MESD: variants seen among roughly 807,000 people sequenced by gnomAD.
The protein encoded by MESD is LRP chaperone MESD.
A neutral mutation model predicts 12.9 loss-of-function variants in MESD; 7 were observed. The ratio of observed to expected loss-of-function variants is 0.54; its 90% CI spans 0.31 to 1.02. MESD has a LOEUF of 1.02. MESD is among the 50% of genes least tolerant of loss of function. MESD has a pLI of 0.05. For missense variants in MESD, 342 were observed against 296.7 expected (o/e 1.15, Z -1.12); for synonymous variants, 126 against 115.6 (o/e 1.09, Z -0.58).
At chr15:80,986,899 G>A (rs1000312818) in intron 1 of MESD, among the ~76,000 whole-genome samples, 1 of 152,090 alleles carries the variant, frequency 6.6e-6, no homozygotes, top group African/African-American at 2.4e-5. Context: ...TAAGTCCCAG[G>A]CACTCTACAT....
In MESD at chr15:80,979,143, C is replaced by T; in HGVS notation, c.*76G>A. ...TCATCCGGTGTGCAGTTGCCTGAGA[C>T]CACTCCCACCCCAGGAGCTGGGCAA... On this transcript the variant is annotated 3_prime_UTR_variant, in exon 3 of 3. Transcript: ENST00000261758. 6.5e-7 allele frequency: 1 copy of T among 1,542,974 alleles called. No homozygotes were observed. The highest frequency in any genetic ancestry group is 8.7e-7 in the Non-Finnish European group (1 of 1,146,276).
chr15:80,948,916 A>C, intron 4 of MESD: 1 of 1,611,204 alleles, frequency 6.2e-7, no homozygotes, highest in Non-Finnish European at 8.5e-7. Flanking sequence ...GAAGAAGAAG[A>C]AGTTGTGAGG....
intron 3 of MESD, among the ~76,000 whole-genome samples, chr15:80,960,538 C>T (rs2141789748): frequency 6.6e-6 from 1 of 152,248 alleles, no homozygotes; most frequent in South Asian, 2.1e-4. Context: ...TACTTATTTG[C>T]ATCTTTTAAA....
intron 2 of MESD, among the ~76,000 whole-genome samples, chr15:80,980,002 C>A (rs1177212601): frequency 6.6e-6 from 1 of 152,242 alleles, no homozygotes; most frequent in Non-Finnish European, 1.5e-5. Flanking sequence ...TAGCAGCAAG[C>A]TGCCCAGCTC....
At chr15:80,987,655 A>AT (rs1467545081) in intron 1 of MESD, among the ~76,000 whole-genome samples, 1 of 151,998 alleles carries the variant, frequency 6.6e-6, no homozygotes, top group Non-Finnish European at 1.5e-5. Context: ...TGCCCAACTA[A>AT]TTTTTTTATT....
At chr15:80,974,639 AAAGTT>A (rs1902364793), downstream of MESD, among the ~76,000 whole-genome samples, 1 of 151,132 alleles carries the variant, frequency 6.6e-6, no homozygotes, top group African/African-American at 2.4e-5. Context: ...ATACAAAACT[AAAGTT>A]AACAGAAGAT....
rs183465917 is a variant in MESD at position 80,961,495 on chromosome 15, C to T, written c.*289-9199G>A. Among the ~76,000 whole-genome samples the T allele has an allele frequency of 5.3e-5, 8 of 152,152 alleles. No individual in the cohort carries two copies. The East Asian group carries it at 1.5e-3, about 29-fold the overall frequency. On this transcript the variant is annotated intron_variant, in intron 3 of 4. Transcript: ENST00000561312. The stretch of plus-strand genomic sequence containing the variant: ...ATAAAAGACAGAAGAAATGAATGCT[C>T]CTAGACAATGAGGATAAAAGAATAA...
intron 2 of MESD, among the ~76,000 whole-genome samples, chr15:80,980,574 T>C (rs1179407879): frequency 6.6e-6 from 1 of 152,068 alleles, no homozygotes; most frequent in Non-Finnish European, 1.5e-5. Context: ...TATACACCCT[T>C]CTGTTCAGAT....
chr15:80,949,712 C>T (rs1409256198), intron 4 of MESD: 1 of 153,138 alleles, frequency 6.5e-6, no homozygotes, highest in Non-Finnish European at 1.5e-5. Context: ...TCCAGTAGGG[C>T]AGGCAGTCAG....
At chr15:80,963,292 C>A (rs1902120393) in intron 3 of MESD, among the ~76,000 whole-genome samples, 1 of 152,160 alleles carries the variant, frequency 6.6e-6, no homozygotes, top group African/African-American at 2.4e-5. Flanking sequence ...GAAGTTGAAT[C>A]TCTGAATAGA....
exon 5 of MESD, chr15:80,947,414 A>C (rs2141761074): frequency 6.4e-6 from 2 of 312,058 alleles, no homozygotes; most frequent in South Asian, 6.6e-5. Context: ...TGCTATTCAG[A>C]CTGGCCAGGG....
chr15:80,970,699 G>GT (rs1902269033), intron 3 of MESD: 2 of 152,232 alleles, frequency 1.3e-5, no homozygotes, highest in Non-Finnish European at 2.9e-5. Context: ...AGTTACGGCA[G>GT]TAAGAACAGA....
At chr15:80,958,060 T>C (rs992230348) in intron 3 of MESD, among the ~76,000 whole-genome samples, 3 of 152,196 alleles carry the variant, frequency 2.0e-5, no homozygotes, top group South Asian at 2.1e-4. Context: ...TCTTTTCTTC[T>C]TGATTTCCTC....
Position 80,979,011 on chromosome 15 carries a change from A to T in MESD, c.*208T>A. 1.6e-6 allele frequency: 1 copy of T among 616,268 alleles called. No individual in the cohort carries two copies. The highest frequency in any genetic ancestry group is 2.8e-6 in the Non-Finnish European group (1 of 360,856). The allele number at this position is 616,268 out of a possible 1,614,324, so 38.2% of individuals were successfully genotyped here. A position where few individuals can be genotyped will look rare whatever the true frequency, so the allele number is the denominator to read the frequency against. On this transcript the variant is annotated 3_prime_UTR_variant, in exon 3 of 3. Coordinates refer to ENST00000261758, the MANE Select transcript of MESD (RefSeq NM_015154.3). ...AGTAAACATGAATTTGTCAGTGTCC[A>T]GTATTAATTAGAAAACATCTGTCTT...
chr15:80,961,938 G>C (rs951082368), intron 3 of MESD, among the ~76,000 whole-genome samples: 4 of 152,118 alleles, frequency 2.6e-5, no homozygotes, highest in African/African-American at 9.7e-5. Flanking sequence ...TCAATTAACG[G>C]GCGAAATAAC....
intron 1 of MESD, among the ~76,000 whole-genome samples, chr15:80,984,567 G>C (rs184948176): frequency 2.0e-5 from 3 of 152,344 alleles, no homozygotes; most frequent in African/African-American, 7.2e-5. Flanking sequence ...ACAGAAGGTA[G>C]ATAAGCGATT....
At position 80,979,305 on chromosome 15, in the gene MESD, T is replaced by G. The variant is rs146515688; in HGVS notation, c.619A>C (p.Lys207Gln). ...SKEKNKTKQD[K>Q]GKKKKEGDLK... ...TCTCCTTCCTTCTTTTTTTTGCCCT[T>G]GTCTTGCTTTGTTTTATTTTTCTCT... is the stretch of plus-strand genomic sequence containing the variant. Residue 207 changes from lysine to glutamine, a missense_variant, in exon 3 of 3, where the codon AAG becomes CAG. Transcript: ENST00000261758. 10 of 1,613,998 alleles carry G rather than the reference T, an allele frequency of 6.2e-6. No individual in the cohort carries two copies. Among genetic ancestry groups the G allele is most frequent in the African/African-American group, 2.7e-5 (2 of 74,948 alleles).
Position 80,989,710 on chromosome 15 carries a change from G to C in MESD, c.82C>G (p.Pro28Ala). 1 of 1,610,568 alleles carries C rather than the reference G, an allele frequency of 6.2e-7. No individual in the cohort carries two copies. Among genetic ancestry groups the C allele is most frequent in the Non-Finnish European group, 8.5e-7 (1 of 1,179,976 alleles). The change falls in exon 1 of 3, where the codon CCG (proline) becomes GCG (alanine). Residue 28 changes from proline (P) to alanine (A), a missense_variant. Physicochemically the swap from Pro to Ala is conservative, Grantham distance 27. Coordinates refer to ENST00000261758, the MANE Select transcript of MESD (RefSeq NM_015154.3). ...DLLLLLLLLPPPGSCAAEGSP... is the reference protein window; with the variant it reads ...DLLLLLLLLPAPGSCAAEGSP... The stretch of plus-strand genomic sequence containing the variant: ...CCTTCGGCCGCGCAGGACCCAGGCG[G>C]TGGTAGCAGTAGCAGCAGCAGCAGC...
At chr15:80,982,691 A>G (rs1902612901) in intron 1 of MESD, among the ~76,000 whole-genome samples, 1 of 152,230 alleles carries the variant, frequency 6.6e-6, no homozygotes, top group Non-Finnish European at 1.5e-5. Flanking sequence ...ACAAGGGAGG[A>G]TTAACTGAGA....
Sources: gnomAD v4.1 joint callset for allele counts (sites outside exome capture counted in the v4.1 genomes callset) on GRCh38, gnomAD v4.1.1 for gene constraint, MANE v1.5 for transcripts, NCBI Gene and HGNC (gene_info 2026-07-23, HGNC 2026-07-21) for gene names.